Variants in DLG2 observed in about 807,000 individuals in gnomAD.
The protein encoded by DLG2 is discs large MAGUK scaffold protein 2.
Under a neutral mutation model 132.5 loss-of-function variants are expected in DLG2, and 45 were observed. The ratio of observed to expected loss-of-function variants is 0.34; its 90% CI spans 0.27 to 0.44. The LOEUF is 0.44. DLG2 is among the 20% of genes least tolerant of loss of function. DLG2 has a pLI of 1.00. For synonymous variants in DLG2, 424 were observed against 419.6 expected (o/e 1.01, Z -0.13); for missense variants, 1,045 against 1,196.9 (o/e 0.87, Z 1.87).
intron 6 of DLG2, among the ~76,000 whole-genome samples, chr11:85,079,025 G>C (rs547293613): frequency 1.1e-4 from 16 of 150,476 alleles, no homozygotes; most frequent in African/African-American, 2.4e-4. Context: ...GTGTTTTAGG[G>C]GGGGGGTCTG....
chr11:84,839,347 C>T (rs1420481598), intron 6 of DLG2, among the ~76,000 whole-genome samples: 5 of 152,014 alleles, frequency 3.3e-5, no homozygotes, highest in South Asian at 2.1e-4. Flanking sequence ...TAAAAGAGGA[C>T]ACAAACAAAT....
intron 6 of DLG2, among the ~76,000 whole-genome samples, chr11:84,804,346 T>A (rs971615779): frequency 3.9e-5 from 6 of 152,158 alleles, no homozygotes; most frequent in Non-Finnish European, 8.8e-5. Context: ...AAATGCCAAG[T>A]GCTAAACAAA....
chr11:85,356,791 G>C (rs879320714), intron 3 of DLG2, among the ~76,000 whole-genome samples: 1 of 145,660 alleles, frequency 6.9e-6, no homozygotes, highest in Non-Finnish European at 1.5e-5. Flanking sequence ...TAGATAGATA[G>C]ATAGATAGAT....
At chr11:85,286,658 A>G (rs2152762546) in intron 3 of DLG2, among the ~76,000 whole-genome samples, 1 of 152,216 alleles carries the variant, frequency 6.6e-6, no homozygotes, top group East Asian at 1.9e-4. Flanking sequence ...ACAGAAATGA[A>G]TATGTATCTG....
chr11:84,905,482 CT>C (rs1331232121), intron 6 of DLG2, among the ~76,000 whole-genome samples: 1 of 152,056 alleles, frequency 6.6e-6, no homozygotes, highest in East Asian at 1.9e-4. Context: ...TAGATTTTCT[CT>C]TTTTTTCTGC....
chr11:83,822,482 C>A (rs2051102582), intron 17 of DLG2, among the ~76,000 whole-genome samples: 2 of 152,268 alleles, frequency 1.3e-5, no homozygotes, highest in African/African-American at 4.8e-5. Context: ...GAGGCACAGC[C>A]TTACCCCCAT....
intron 5 of DLG2, among the ~76,000 whole-genome samples, chr11:85,149,819 G>T (rs540460317): frequency 6.6e-6 from 1 of 152,102 alleles, no homozygotes; most frequent in South Asian, 2.1e-4. Context: ...ACGTTGGGAG[G>T]TGGTATATAT....
chr11:85,094,451 T>C (rs924705856), intron 6 of DLG2, among the ~76,000 whole-genome samples: 3 of 152,216 alleles, frequency 2.0e-5, no homozygotes, highest in African/African-American at 7.2e-5. Flanking sequence ...TGAAAGTCTG[T>C]TGTTTAGTGT....
chr11:85,200,712 T>C (rs1389323196), intron 4 of DLG2, among the ~76,000 whole-genome samples: 1 of 152,086 alleles, frequency 6.6e-6, no homozygotes, highest in Non-Finnish European at 1.5e-5. Flanking sequence ...TGCAGAGACC[T>C]CCTGGAGATA....
intron 5 of DLG2, among the ~76,000 whole-genome samples, chr11:85,125,217 A>G (rs912658228): frequency 4.6e-5 from 7 of 152,196 alleles, no homozygotes; most frequent in African/African-American, 1.7e-4. Context: ...GTCTGAGAAT[A>G]TAAGATTTAT....
At chr11:84,397,390 A>C (rs942620530) in intron 7 of DLG2, among the ~76,000 whole-genome samples, 1 of 152,204 alleles carries the variant, frequency 6.6e-6, no homozygotes, top group African/African-American at 2.4e-5. Flanking sequence ...AAATTGTTTT[A>C]TTGTCTTCCT....
chr11:85,296,918 C>A, intron 3 of DLG2, among the ~76,000 whole-genome samples: 1 of 149,504 alleles, frequency 6.7e-6, no homozygotes, highest in Middle Eastern at 3.5e-3. Context: ...CAAAATGATA[C>A]AATCATATTA....
chr11:84,549,362 C>T (rs1301891776), intron 6 of DLG2, among the ~76,000 whole-genome samples: 1 of 152,190 alleles, frequency 6.6e-6, no homozygotes, highest in Non-Finnish European at 1.5e-5. Context: ...TGTGGGCAGT[C>T]CCTGTCTGAC....
chr11:84,711,014 A>ATATATG, intron 6 of DLG2, among the ~76,000 whole-genome samples: 1 of 86,512 alleles, frequency 1.2e-5, no homozygotes, highest in Non-Finnish European at 2.6e-5. Flanking sequence ...ATATAGATAT[A>ATATATG]TATATATATA....
intron 6 of DLG2, among the ~76,000 whole-genome samples, chr11:84,857,125 G>A (rs923928454): frequency 6.6e-6 from 1 of 151,570 alleles, no homozygotes; most frequent in Non-Finnish European, 1.5e-5. Context: ...GGCAAAAACA[G>A]TTAGAGATAC....
intron 19 of DLG2, among the ~76,000 whole-genome samples, chr11:83,593,473 A>G (rs574885250): frequency 2.0e-5 from 3 of 151,580 alleles, no homozygotes; most frequent in African/African-American, 7.2e-5. Flanking sequence ...GAAGGGGAAT[A>G]TCACACTCTG....
intron 16 of DLG2, among the ~76,000 whole-genome samples, chr11:83,859,776 T>C (rs1331175981): frequency 1.3e-5 from 2 of 152,142 alleles, no homozygotes; most frequent in Non-Finnish European, 2.9e-5. Flanking sequence ...CCTAGATCTT[T>C]ATGGCAGCCC....
intron 3 of DLG2, among the ~76,000 whole-genome samples, chr11:85,376,086 C>T (rs2085379697): frequency 6.6e-6 from 1 of 152,148 alleles, no homozygotes; most frequent in East Asian, 1.9e-4. Flanking sequence ...ATACTCAAGG[C>T]ACTATACCAG....
At chr11:84,787,682 C>A (rs897492383) in intron 6 of DLG2, among the ~76,000 whole-genome samples, 7 of 152,120 alleles carry the variant, frequency 4.6e-5, no homozygotes, top group Non-Finnish European at 1.0e-4. Context: ...TGTCCAATTT[C>A]TATCTGAGTT....
Sources: allele counts gnomAD v4.1 joint callset (sites outside exome capture counted in the v4.1 genomes callset), GRCh38; gene constraint gnomAD v4.1.1; transcripts MANE v1.5; gene names NCBI Gene and HGNC (gene_info 2026-07-23, HGNC 2026-07-21).